Variants in POU3F1 observed in about 807,000 individuals in gnomAD.
The protein encoded by POU3F1 is POU domain, class 3, transcription factor 1.
A neutral mutation model predicts 7.6 loss-of-function variants in POU3F1; 1 was observed. The observed-to-expected ratio is 0.13, with a 90% CI of 0.05 to 0.62. The LOEUF (loss-of-function observed/expected upper bound fraction) is 0.62. Among genes scored for constraint, POU3F1 ranks in the 20% least tolerant of loss-of-function variants. POU3F1 has a pLI of 0.87. For missense variants in POU3F1, 505 were observed against 679.3 expected (o/e 0.74, Z 2.85); for synonymous variants, 354 against 339.0 (o/e 1.04, Z -0.49).
rs547985717 is a variant in POU3F1, at chr1:38,045,880, G to A, written c.864C>T (p.Phe288=). Residue 288 remains phenylalanine (F), a synonymous_variant, in exon 1 of 1, where the codon TTC becomes TTT. Transcript: ENST00000373012. This position sits in a 1 kb window ranked among gnomAD's most constrained non-coding sequence, Gnocchi z 9.4. Reference sequence around the variant, plus strand: ...CGAAGCGGCAGATGGTGGTCTGCGAGAACACGTTACCGTAGAGCGTGCCCA... The same window carrying A: ...CGAAGCGGCAGATGGTGGTCTGCGAAAACACGTTACCGTAGAGCGTGCCCA... ...LALGTLYGNV[F]SQTTICRFEA... The A allele has an allele frequency of 7.4e-6, 12 of 1,613,938 alleles. No individual in the cohort carries two copies. In the African/African-American group the frequency reaches 1.1e-4, roughly 14 times the overall value.
rs1646858395 is a variant in POU3F1, at chr1:38,046,030, G to C, written c.714C>G (p.Gly238=). 1.3e-6 allele frequency: 2 copies of C among 1,578,612 alleles called. No individual in the cohort carries two copies. Among genetic ancestry groups the C allele is most frequent in the Non-Finnish European group, 1.7e-6 (2 of 1,166,310 alleles). ...AHLHPGAGGG[G]SSVGEHSDED... The stretch of plus-strand genomic sequence containing the variant: ...CGTCCGAGTGCTCGCCCACCGATGA[G>C]CCGCCGCCGCCCGCGCCCGGGTGCA... The change falls in exon 1 of 1, where the codon GGC becomes GGG. Residue 238 remains glycine, a synonymous_variant. Transcript: ENST00000373012. This position sits in a 1 kb window ranked among gnomAD's most constrained non-coding sequence, Gnocchi z 9.5.
Position 38,046,439 on chromosome 1 carries a change from C to T in POU3F1, c.305G>A (p.Arg102Gln), listed in dbSNP as rs1450675743. 5.4e-6 allele frequency: 7 copies of T among 1,307,940 alleles called. No homozygotes were observed. The highest frequency in any genetic ancestry group is 3.9e-5 in the South Asian group (2 of 51,048). 81.0% of individuals were successfully genotyped at this position (1,307,940 alleles called of 1,614,324 possible). ...TCCGCCGCCGCCGCCGTCGTCGGCT[C>T]GGCCGGTGCCGCCGCCGCCTGCCTT... ...HGKAGGGGTGRADDGGGGGGF... is the reference protein window; with the variant it reads ...HGKAGGGGTGQADDGGGGGGF... The change falls in exon 1 of 1, where the codon CGA (arginine) becomes CAA (glutamine). Residue 102 changes from arginine to glutamine, a missense_variant. Arg to Gln is a conservative substitution (Grantham distance 43). Around this residue, in one of 5 missense-constraint regions of POU3F1, gnomAD observed 361 missense variants for 382.1 expected, o/e 0.94. Coordinates refer to ENST00000373012, the MANE Select transcript of POU3F1 (RefSeq NM_002699.4). This position sits in a 1 kb window ranked among gnomAD's most constrained non-coding sequence, Gnocchi z 9.5.
At position 38,046,515 on chromosome 1, in the gene POU3F1, C is replaced by T. The variant is rs1390968180; in HGVS notation, c.229G>A (p.Gly77Arg). 1.4e-6 allele frequency: 2 copies of T among 1,386,682 alleles called. No homozygotes were observed. The highest frequency in any genetic ancestry group is 1.9e-6 in the Non-Finnish European group (2 of 1,069,484). The allele number at this position is 1,386,682 out of a possible 1,614,324, so 85.9% of individuals were successfully genotyped here. A position where few individuals can be genotyped will look rare whatever the true frequency, so the allele number is the denominator to read the frequency against. Residue 77 changes from glycine to arginine, a missense_variant, in exon 1 of 1, where the codon GGA (glycine) becomes AGA (arginine). Coordinates refer to ENST00000373012, the MANE Select transcript of POU3F1 (RefSeq NM_002699.4). The surrounding 1 kb of genome is among the most constrained non-coding windows in gnomAD (Gnocchi z 9.5). ...GLAHPQWLPTGGGGGGDWAGG... is the reference protein window; with the variant it reads ...GLAHPQWLPTRGGGGGDWAGG... ...GCCCAATCGCCGCCGCCGCCTCCTC[C>T]CGTGGGTAGCCACTGGGGGTGCGCT...
Position 38,045,607 on chromosome 1 carries a change from C to T in POU3F1, c.1137G>A (p.Glu379=), listed in dbSNP as rs1253662725. Residue 379 remains glutamate (E), a synonymous_variant, in exon 1 of 1, where the codon GAG becomes GAA. Transcript: ENST00000373012. The surrounding 1 kb of genome is among the most constrained non-coding windows in gnomAD (Gnocchi z 9.4). ...AGAACCAGACGCGCACCACCTCCTT[C>T]TCCAGCTGCAGGCTGTCTGCCAAGC... The part of the protein sequence containing the change: ...ITGLADSLQL[E]KEVVRVWFCN... The T allele has an allele frequency of 1.4e-5, 23 of 1,613,312 alleles. No homozygotes were observed. The highest frequency in any genetic ancestry group is 1.9e-5 in the Non-Finnish European group (23 of 1,179,788).
chr1:38,046,345 T>C lies in POU3F1; in HGVS notation c.399A>G (p.Thr133=), dbSNP rs1229378264. 1.7e-6 allele frequency: 2 copies of C among 1,208,862 alleles called. No homozygotes were observed. The highest frequency in any genetic ancestry group is 3.3e-4 in the Middle Eastern group (1 of 3,002). The allele number at this position is 1,208,862 out of a possible 1,614,324, so 74.9% of individuals were successfully genotyped here. Residue 133 remains threonine (T), a synonymous_variant, in exon 1 of 1, where the codon ACA becomes ACG. Transcript: ENST00000373012. This position sits in a 1 kb window ranked among gnomAD's most constrained non-coding sequence, Gnocchi z 9.5. ...HAGAAWAQGS[T]AHHLGPAMSP... ...ACATGGCCGGGCCCAAGTGGTGCGC[T>C]GTGCTGCCCTGCGCCCATGCCGCGC... is the stretch of plus-strand genomic sequence containing the variant.
In POU3F1 at chr1:38,046,636, GGCCGCC is replaced by G. The variant is rs753093803; in HGVS notation, c.102_107del (p.Ala36_Ala37del). 1.4e-4 allele frequency: 187 copies of G among 1,317,406 alleles called. No individual in the cohort carries two copies. The highest frequency in any genetic ancestry group is 7.0e-4 in the South Asian group (38 of 53,966). The allele number at this position is 1,317,406 out of a possible 1,614,324, so 81.6% of individuals were successfully genotyped here. A position where few individuals can be genotyped will look rare whatever the true frequency, so the allele number is the denominator to read the frequency against. On this transcript the variant is annotated inframe_deletion, in exon 1 of 1. Transcript: ENST00000373012. The surrounding 1 kb of genome is among the most constrained non-coding windows in gnomAD (Gnocchi z 9.5). The stretch of plus-strand genomic sequence containing the variant: ...CGGCCCCTGCATGCAATCGCTCCGC[GGCCGCC>G]GCCGCCGCCGCCGCCGCCGCGGCGT...
chr1:38,046,063 C>T lies in POU3F1; in HGVS notation c.681G>A (p.Ala227=). 1 of 1,479,700 alleles carries T rather than the reference C, an allele frequency of 6.8e-7. No homozygotes were observed. The highest frequency in any genetic ancestry group is 1.4e-5 in the South Asian group (1 of 72,994). 91.7% of individuals were successfully genotyped at this position (1,479,700 alleles called of 1,614,324 possible). Residue 227 remains alanine, a synonymous_variant, in exon 1 of 1, where the codon GCG becomes GCA. Coordinates refer to ENST00000373012, the MANE Select transcript of POU3F1 (RefSeq NM_002699.4). This position sits in a 1 kb window ranked among gnomAD's most constrained non-coding sequence, Gnocchi z 9.5. ...CGCCCGCGCCCGGGTGCAGGTGCGC[C>T]GCCGCCGCGTGCAGGCCGCCCGCGT... ...HAHAGGLHAA[A]AHLHPGAGGG...
Position 38,044,408 on chromosome 1 carries a change from G to C in POU3F1, c.*980C>G, listed in dbSNP as rs1185908072. ...CTCTAACTTTTCCAAGTTTCGTTTG[G>C]TGTGGCCAGGAGGGCAGGGCCCCGC... On this transcript the variant is annotated 3_prime_UTR_variant, in exon 1 of 1. Transcript: ENST00000373012. Among the ~76,000 whole-genome samples the C allele has an allele frequency of 2.6e-5, 4 of 152,372 alleles. No homozygotes were observed. The highest frequency in any genetic ancestry group is 3.4e-3 in the Middle Eastern group (1 of 294).
At position 38,046,148 on chromosome 1, in the gene POU3F1, T is replaced by G. The variant is rs1646859488; in HGVS notation, c.596A>C (p.Gln199Pro). The part of the protein sequence containing the change: ...HALHEDGHEA[Q>P]LEPSPPPHLG... ...ATGCGGCGGCGGCGACGGCTCCAGCTGCGCCTCGTGGCCATCCTCGTGCAG... is the reference window on the plus strand; with the variant it reads ...ATGCGGCGGCGGCGACGGCTCCAGCGGCGCCTCGTGGCCATCCTCGTGCAG... Residue 199 changes from glutamine (Q) to proline (P), a missense_variant, in exon 1 of 1, where the codon CAG becomes CCG. Coordinates refer to ENST00000373012, the MANE Select transcript of POU3F1 (RefSeq NM_002699.4). This position sits in a 1 kb window ranked among gnomAD's most constrained non-coding sequence, Gnocchi z 9.5. 3 of 1,397,566 alleles carry G rather than the reference T, an allele frequency of 2.1e-6. No homozygotes were observed. Among genetic ancestry groups the G allele is most frequent in the Non-Finnish European group, 2.8e-6 (3 of 1,076,454 alleles). The allele number at this position is 1,397,566 out of a possible 1,614,324, so 86.6% of individuals were successfully genotyped here. A position where few individuals can be genotyped will look rare whatever the true frequency, so the allele number is the denominator to read the frequency against.
Position 38,046,602 on chromosome 1 carries a change from C to G in POU3F1, c.142G>C (p.Glu48Gln), listed in dbSNP as rs1375018212. Residue 48 changes from glutamate to glutamine, a missense_variant, in exon 1 of 1, where the codon GAA becomes CAA. Glu to Gln is a conservative substitution (Grantham distance 29, BLOSUM62 2). Coordinates refer to ENST00000373012, the MANE Select transcript of POU3F1 (RefSeq NM_002699.4). This position sits in a 1 kb window ranked among gnomAD's most constrained non-coding sequence, Gnocchi z 9.5. ...TCGTGGTGCATCAGCTTCTGCACTT[C>G]GCGGTACGCGGCCCCTGCATGCAAT... ...ERLHAGAAYR[E>Q]VQKLMHHEWL... The G allele has an allele frequency of 5.8e-6, 8 of 1,377,966 alleles. No homozygotes were observed. In the Admixed American group the frequency reaches 1.1e-4, roughly 19 times the overall value. The allele number at this position is 1,377,966 out of a possible 1,614,324, so 85.4% of individuals were successfully genotyped here.
At position 38,046,598 on chromosome 1, in the gene POU3F1, A is replaced by G; in HGVS notation, c.146T>C (p.Val49Ala). 4 of 1,377,782 alleles carry G rather than the reference A, an allele frequency of 2.9e-6. No individual in the cohort carries two copies. Among genetic ancestry groups the G allele is most frequent in the Non-Finnish European group, 3.8e-6 (4 of 1,060,718 alleles). 85.3% of individuals were successfully genotyped at this position (1,377,782 alleles called of 1,614,324 possible). ...RLHAGAAYREVQKLMHHEWLG... is the reference protein window; with the variant it reads ...RLHAGAAYREAQKLMHHEWLG... ...CCACTCGTGGTGCATCAGCTTCTGC[A>G]CTTCGCGGTACGCGGCCCCTGCATG... The change falls in exon 1 of 1, where the codon GTG becomes GCG. Residue 49 changes from valine to alanine, a missense_variant. Coordinates refer to ENST00000373012, the MANE Select transcript of POU3F1 (RefSeq NM_002699.4). The surrounding 1 kb of genome is among the most constrained non-coding windows in gnomAD (Gnocchi z 9.5).
In POU3F1 at chr1:38,046,642, C is replaced by T; in HGVS notation, c.102G>A (p.Ala34=). 7.8e-7 allele frequency: 1 copy of T among 1,287,942 alleles called. No individual in the cohort carries two copies. The allele number at this position is 1,287,942 out of a possible 1,614,324, so 79.8% of individuals were successfully genotyped here. Residue 34 remains alanine, a synonymous_variant, in exon 1 of 1, where the codon GCG becomes GCA. Coordinates refer to ENST00000373012, the MANE Select transcript of POU3F1 (RefSeq NM_002699.4). The surrounding 1 kb of genome is among the most constrained non-coding windows in gnomAD (Gnocchi z 9.5). ...HPDAAAAAAA[A]AAAERLHAGA... ...CTGCATGCAATCGCTCCGCGGCCGCCGCCGCCGCCGCCGCCGCCGCGGCGT... is the reference window on the plus strand; with the variant it reads ...CTGCATGCAATCGCTCCGCGGCCGCTGCCGCCGCCGCCGCCGCCGCGGCGT...
In POU3F1 at chr1:38,046,456, G is replaced by A; in HGVS notation, c.288C>T (p.Gly96=). Residue 96 remains glycine (G), a synonymous_variant, in exon 1 of 1, where the codon GGC becomes GGT. Transcript: ENST00000373012. This position sits in a 1 kb window ranked among gnomAD's most constrained non-coding sequence, Gnocchi z 9.5. ...CGTCGGCTCGGCCGGTGCCGCCGCC[G>A]CCTGCCTTGCCGTGTTCTAGGTGCG... ...GGPHLEHGKA[G]GGGTGRADDG... 1.5e-6 allele frequency: 2 copies of A among 1,332,700 alleles called. No individual in the cohort carries two copies. The highest frequency in any genetic ancestry group is 9.6e-7 in the Non-Finnish European group (1 of 1,040,952). The allele number at this position is 1,332,700 out of a possible 1,614,324, so 82.6% of individuals were successfully genotyped here. A position where few individuals can be genotyped will look rare whatever the true frequency, so the allele number is the denominator to read the frequency against.
Position 38,045,851 on chromosome 1 carries a change from G to A in POU3F1, c.893C>T (p.Ala298Val). The A allele has an allele frequency of 6.2e-7, 1 of 1,614,008 alleles. No individual in the cohort carries two copies. The highest frequency in any genetic ancestry group is 8.5e-7 in the Non-Finnish European group (1 of 1,180,006). ...CATGTTCTTGAAGCTCAGCTGCAGG[G>A]CCTCGAAGCGGCAGATGGTGGTCTG... ...FSQTTICRFE[A>V]LQLSFKNMCK... Residue 298 changes from alanine to valine, a missense_variant, in exon 1 of 1, where the codon GCC becomes GTC. Physicochemically the swap from Ala to Val is moderately conservative, Grantham distance 64. Around this residue, in one of 5 missense-constraint regions of POU3F1, gnomAD observed 26 missense variants for 99.9 expected, o/e 0.26. Transcript: ENST00000373012. This position sits in a 1 kb window ranked among gnomAD's most constrained non-coding sequence, Gnocchi z 9.4.
chr1:38,046,211 G>T lies in POU3F1; in HGVS notation c.533C>A (p.Ala178Glu). Residue 178 changes from alanine to glutamate, a missense_variant, in exon 1 of 1, where the codon GCG becomes GAG. By Grantham distance (107) the Ala-to-Glu change is moderately radical (BLOSUM62 -1). Around this residue, in one of 5 missense-constraint regions of POU3F1, gnomAD observed 361 missense variants for 382.1 expected, o/e 0.94. Transcript: ENST00000373012. The surrounding 1 kb of genome is among the most constrained non-coding windows in gnomAD (Gnocchi z 9.5). The part of the protein sequence containing the change: ...GGGGLAGMLA[A>E]GGGGAGPGLH... ...GCCCGGCCCCGCGCCGCCACCGCCC[G>T]CCGCCAGCATCCCGGCCAGGCCGCC... The T allele has an allele frequency of 9.2e-7, 1 of 1,089,046 alleles. No homozygotes were observed. The highest frequency in any genetic ancestry group is 1.1e-6 in the Non-Finnish European group (1 of 901,986). The allele number at this position is 1,089,046 out of a possible 1,614,324, so 67.5% of individuals were successfully genotyped here.
Position 38,046,028 on chromosome 1 carries a change from G to A in POU3F1, c.716C>T (p.Ser239Leu), listed in dbSNP as rs773287953. The stretch of plus-strand genomic sequence containing the variant: ...CTCGTCCGAGTGCTCGCCCACCGAT[G>A]AGCCGCCGCCGCCCGCGCCCGGGTG... The part of the protein sequence containing the change: ...HLHPGAGGGG[S>L]SVGEHSDEDA... Residue 239 changes from serine to leucine, a missense_variant, in exon 1 of 1, where the codon TCA (serine) becomes TTA (leucine). Ser to Leu is a moderately radical substitution (Grantham distance 145). Around this residue, in one of 5 missense-constraint regions of POU3F1, gnomAD observed 361 missense variants for 382.1 expected, o/e 0.94. Transcript: ENST00000373012. The surrounding 1 kb of genome is among the most constrained non-coding windows in gnomAD (Gnocchi z 9.5). The A allele has an allele frequency of 1.5e-5, 23 of 1,583,914 alleles. No homozygotes were observed. The highest frequency in any genetic ancestry group is 1.8e-5 in the Non-Finnish European group (21 of 1,168,790).
In POU3F1 at chr1:38,046,230, G is replaced by GGCC. The variant is rs961993154; in HGVS notation, c.511_513dup (p.Gly171dup). 1.0e-3 allele frequency: 1,056 copies of GGCC among 1,059,882 alleles called. No individual in the cohort carries two copies. Among genetic ancestry groups the GGCC allele is most frequent in the Non-Finnish European group, 1.1e-3 (974 of 883,348 alleles). The allele number at this position is 1,059,882 out of a possible 1,614,324, so 65.7% of individuals were successfully genotyped here. ...CCGCCCGCCGCCAGCATCCCGGCCA[G>GGCC]GCCGCCGCCGCCGCCCCCCGGGTAG... is the stretch of plus-strand genomic sequence containing the variant. On this transcript the variant is annotated inframe_insertion, in exon 1 of 1. Coordinates refer to ENST00000373012, the MANE Select transcript of POU3F1 (RefSeq NM_002699.4). This position sits in a 1 kb window ranked among gnomAD's most constrained non-coding sequence, Gnocchi z 9.5.
In POU3F1 at chr1:38,045,606, T is replaced by C. The variant is rs1557776691; in HGVS notation, c.1138A>G (p.Lys380Glu). ...CAGAACCAGACGCGCACCACCTCCT[T>C]CTCCAGCTGCAGGCTGTCTGCCAAG... ...TGLADSLQLE[K>E]EVVRVWFCNR... Residue 380 changes from lysine to glutamate, a missense_variant, in exon 1 of 1, where the codon AAG (lysine) becomes GAG (glutamate). This residue lies in a region of POU3F1 where 24 missense variants were observed against 80.6 expected (regional missense o/e 0.30). Transcript: ENST00000373012. This position sits in a 1 kb window ranked among gnomAD's most constrained non-coding sequence, Gnocchi z 9.4. 1 of 1,613,122 alleles carries C rather than the reference T, an allele frequency of 6.2e-7. No individual in the cohort carries two copies. The highest frequency in any genetic ancestry group is 8.5e-7 in the Non-Finnish European group (1 of 1,179,738).
Position 38,044,458 on chromosome 1 carries a change from G to A in POU3F1, c.*930C>T, listed in dbSNP as rs1178294878. 1.3e-5 allele frequency among the ~76,000 whole-genome samples: 2 copies of A among 152,252 alleles called. No homozygotes were observed. Among genetic ancestry groups the A allele is most frequent in the Non-Finnish European group, 2.9e-5 (2 of 68,042 alleles). On this transcript the variant is annotated 3_prime_UTR_variant, in exon 1 of 1. Coordinates refer to ENST00000373012, the MANE Select transcript of POU3F1 (RefSeq NM_002699.4). ...CGGGGAGCAGGGGCCGCGCTATGCGGCGGTCGGTCTGCAGCAGGGCAGAAG... is the reference window on the plus strand; with the variant it reads ...CGGGGAGCAGGGGCCGCGCTATGCGACGGTCGGTCTGCAGCAGGGCAGAAG...
Sources: gnomAD v4.1 joint callset for allele counts (sites outside exome capture counted in the v4.1 genomes callset) on GRCh38, gnomAD v4.1.1 for gene constraint, gnomAD v4.1.1 regional missense constraint, Gnocchi (gnomAD v3.1) non-coding constraint, MANE v1.5 for transcripts, NCBI Gene and HGNC (gene_info 2026-07-23, HGNC 2026-07-21) for gene names.